The following PCDHA7 variants were observed in gnomAD, a reference collection of about 807,000 sequenced individuals.
PCDHA7 encodes protocadherin alpha 7.
In PCDHA7, 37 loss-of-function variants were observed where a neutral mutation model predicts 57.2. The observed-to-expected ratio is 0.65, with a 90% CI of 0.50 to 0.85. The LOEUF is 0.85. Ranked by LOEUF, PCDHA7 falls within the 40% of genes least tolerant of loss-of-function variation. The pLI, the probability that PCDHA7 is intolerant of heterozygous loss-of-function variation, is 0.00. For missense variants in PCDHA7, 1,188 were observed against 1,241.8 expected, an observed-to-expected ratio of 0.96 and a Z score of 0.65; for synonymous variants, 553 against 558.8, an observed-to-expected ratio of 0.99 and a Z score of 0.15.
In PCDHA7 at chr5:140,972,940, A is replaced by G. The variant is rs148421479; in HGVS notation, c.2356-6009A>G. The stretch of plus-strand genomic sequence containing the variant: ...GCCTCCCAAAGTGCTGGGATTACAG[A>G]TGTGAGCCACCATGCCCGGCAAAGG... On this transcript the variant is annotated intron_variant, in intron 1 of 3. Coordinates refer to ENST00000525929, the MANE Select transcript of PCDHA7 (RefSeq NM_018910.3). Among the ~76,000 whole-genome samples the G allele has an allele frequency of 9.4e-3, 1,423 of 152,078 alleles. 26 individuals are homozygous for G. The highest frequency in any genetic ancestry group is 0.032 in the African/African-American group (1,334 of 41,472).
At chr5:140,896,673 G>T (rs962137649) in intron 1 of PCDHA7, among the ~76,000 whole-genome samples, 1 of 152,000 alleles carries the variant, frequency 6.6e-6, no homozygotes, top group African/African-American at 2.4e-5. Context: ...CACTGTGCCC[G>T]GCCCTTTGCC....
intron 3 of PCDHA7, among the ~76,000 whole-genome samples, chr5:140,994,539 CA>C (rs35651294): frequency 0.48 from 72,467 of 151,372 alleles, 18,531 homozygotes; most frequent in African/African-American, 0.67. Flanking sequence ...CCCATCTCTA[CA>C]AAAAAAATAT....
chr5:140,864,909 A>G (rs1046704709), intron 1 of PCDHA7: 1 of 152,160 alleles, frequency 6.6e-6, no homozygotes, highest in Non-Finnish European at 1.5e-5. Flanking sequence ...TCAGAATGGC[A>G]TTGCTGAGCT....
Position 141,000,578 on chromosome 5 carries a change from C to T in PCDHA7, c.2504-9049C>T, listed in dbSNP as rs191579983. On this transcript the variant is annotated intron_variant, in intron 3 of 3. Coordinates refer to ENST00000525929, the MANE Select transcript of PCDHA7 (RefSeq NM_018910.3). ...GAGTAGCTGGGATTACAGGTGCCTG[C>T]CACCATGCCCAGCTAATTTTTGTAT... Among the ~76,000 whole-genome samples the T allele has an allele frequency of 3.1e-3, 460 of 150,716 alleles. 6 individuals carry two copies. Among genetic ancestry groups the T allele is most frequent in the Middle Eastern group, 0.01 (3 of 290 alleles).
chr5:140,856,716 G>A, intron 1 of PCDHA7: 1 of 1,596,628 alleles, frequency 6.3e-7, no homozygotes. Context: ...GAATTTACCG[G>A]ATCTGTTTCT....
At chr5:140,871,314 G>T in intron 1 of PCDHA7, 2 of 1,614,048 alleles carry the variant, frequency 1.2e-6, no homozygotes, top group Non-Finnish European at 1.7e-6. Flanking sequence ...GGAAGCCCAC[G>T]CTGGTGTGCT....
chr5:140,934,490 C>T (rs189772593), intron 1 of PCDHA7, among the ~76,000 whole-genome samples: 35 of 152,244 alleles, frequency 2.3e-4, no homozygotes, highest in Admixed American at 1.4e-3. Context: ...ATATTCACCT[C>T]ATAAACACCC....
intron 1 of PCDHA7, among the ~76,000 whole-genome samples, chr5:140,977,625 T>A (rs2096768746): frequency 6.6e-6 from 1 of 152,144 alleles, no homozygotes; most frequent in Non-Finnish European, 1.5e-5. Flanking sequence ...ATCCCAGAGT[T>A]GTAACTTTTT....
chr5:140,974,481 A>T (rs1017520033), intron 1 of PCDHA7, among the ~76,000 whole-genome samples: 4 of 152,178 alleles, frequency 2.6e-5, no homozygotes, highest in Non-Finnish European at 5.9e-5. Context: ...TTCCACCCAG[A>T]ATTCTCAAAT....
At chr5:140,940,822 A>G (rs1446773813) in intron 1 of PCDHA7, among the ~76,000 whole-genome samples, 9 of 152,200 alleles carry the variant, frequency 5.9e-5, no homozygotes, top group Admixed American at 3.9e-4. Context: ...GAGATCTTGG[A>G]TGGAAATACC....
intron 1 of PCDHA7, among the ~76,000 whole-genome samples, chr5:140,937,106 C>G (rs2091337574): frequency 6.7e-6 from 1 of 149,110 alleles, no homozygotes; most frequent in African/African-American, 2.5e-5. Context: ...GGCGCAGTCT[C>G]GGCTCACTGC....
chr5:140,927,740 G>A (rs782665573), intron 1 of PCDHA7: 5 of 1,614,206 alleles, frequency 3.1e-6, no homozygotes, highest in Middle Eastern at 1.6e-4. Context: ...CTGCGACACC[G>A]CTTTCACGTG....
At position 140,917,487 on chromosome 5, in the gene PCDHA7, A is replaced by T. The variant is rs1303002890; in HGVS notation, c.2356-61462A>T. Among the ~76,000 whole-genome samples, 3 of 152,232 alleles carry T rather than the reference A, an allele frequency of 2.0e-5. No individual in the cohort carries two copies. The East Asian group carries it at 5.8e-4, about 29-fold the overall frequency. The stretch of plus-strand genomic sequence containing the variant: ...TGTCATGAAATCTTTGCCAGGGCCT[A>T]TGCCCAGAATGATATTTTCTAGGTT... On this transcript the variant is annotated intron_variant, in intron 1 of 3. Coordinates refer to ENST00000525929, the MANE Select transcript of PCDHA7 (RefSeq NM_018910.3).
chr5:140,936,834 T>TA (rs1554211213), intron 1 of PCDHA7, among the ~76,000 whole-genome samples: 1 of 152,210 alleles, frequency 6.6e-6, no homozygotes, highest in African/African-American at 2.4e-5. Context: ...CATTTCTATA[T>TA]AAATTGTAGA....
intron 2 of PCDHA7, 148 bp from the exon 3 acceptor site, chr5:140,982,327 C>A: frequency 7.0e-7 from 1 of 1,419,146 alleles, no homozygotes; most frequent in South Asian, 1.4e-5. Context: ...AGGGTGACTG[C>A]TCAGCAGTAA....
chr5:140,849,613 G>C (rs2040993200), intron 1 of PCDHA7: 2 of 1,598,764 alleles, frequency 1.3e-6, no homozygotes, highest in Non-Finnish European at 1.7e-6. Context: ...GCCCTGATTA[G>C]TGTGATCGAC....
At chr5:140,987,444 C>T (rs2097254283) in intron 3 of PCDHA7, among the ~76,000 whole-genome samples, 2 of 151,998 alleles carry the variant, frequency 1.3e-5, no homozygotes, top group Admixed American at 6.6e-5. Flanking sequence ...TCCCCATGCC[C>T]GAGAGATAAT....
chr5:140,921,511 C>T (rs1163280621), intron 1 of PCDHA7, among the ~76,000 whole-genome samples: 1 of 152,062 alleles, frequency 6.6e-6, no homozygotes, highest in Non-Finnish European at 1.5e-5. Context: ...TAGTGCCTAA[C>T]CTGAAATAAA....
intron 1 of PCDHA7, chr5:140,966,488 C>T: frequency 2.3e-6 from 1 of 440,248 alleles, no homozygotes; most frequent in Non-Finnish European, 3.9e-6. Flanking sequence ...TTTCCCTCCC[C>T]CTGGAGCTGT....
Sources: gnomAD v4.1 joint callset for allele counts (sites outside exome capture counted in the v4.1 genomes callset) on GRCh38, gnomAD v4.1.1 for gene constraint, MANE v1.5 for transcripts, NCBI Gene and HGNC (gene_info 2026-07-23, HGNC 2026-07-21) for gene names.